The following OR7A10 variants were observed in gnomAD, a reference collection of about 807,000 sequenced individuals.
OR7A10 encodes olfactory receptor family 7 subfamily A member 10, also known as olfactory receptor 7A10.
For synonymous variants in OR7A10, 144 were observed against 144.5 expected (o/e 1.00, Z 0.02); for missense variants, 358 against 370.1 (o/e 0.97, Z 0.27).
chr19:14,843,247 T>A (rs897956082), intron 1 of OR7A10, among the ~76,000 whole-genome samples: 8 of 152,206 alleles, frequency 5.3e-5, no homozygotes. Context: ...TGTAATTAGT[T>A]CAGCCCCTGT....
chr19:14,842,340 C>T (rs1599931817), intron 1 of OR7A10, among the ~76,000 whole-genome samples: 1 of 152,248 alleles, frequency 6.6e-6, no homozygotes, highest in African/African-American at 2.4e-5. Context: ...CAACCTCTGT[C>T]TCTTTGTTCA....
At chr19:14,844,767 A>G (rs1182378350) in intron 1 of OR7A10, among the ~76,000 whole-genome samples, 1 of 145,300 alleles carries the variant, frequency 6.9e-6, no homozygotes, top group African/African-American at 2.6e-5. Flanking sequence ...GGCTCAAGTG[A>G]TTCTCCTGCC....
intron 1 of OR7A10, among the ~76,000 whole-genome samples, chr19:14,844,669 T>TTGTTTTTTTTTTG (rs200433063): frequency 7.5e-6 from 1 of 134,084 alleles, no homozygotes; most frequent in Admixed American, 8.0e-5. Context: ...TCTGTGTTTT[T>TTGTTTTTTTTTTG]TTTTTTTTTT....
chr19:14,847,225 G>A (rs2044947055), intron 1 of OR7A10, among the ~76,000 whole-genome samples: 1 of 152,128 alleles, frequency 6.6e-6, no homozygotes, highest in Non-Finnish European at 1.5e-5. Context: ...TCATACAAAA[G>A]CCAAGAATTT....
rs1255554425 is a variant in OR7A10, at chr19:14,840,659, A to C, written c.*289T>G. 8 of 240,722 alleles carry C rather than the reference A, an allele frequency of 3.3e-5. No individual in the cohort carries two copies. The East Asian group carries it at 7.3e-4, about 22-fold the overall frequency. The allele number at this position is 240,722 out of a possible 1,614,324, so 14.9% of individuals were successfully genotyped here. A position where few individuals can be genotyped will look rare whatever the true frequency, so the allele number is the denominator to read the frequency against. Reference sequence around the variant, plus strand: ...GATGAACAAACCTAGTGACGCGTGGACACCAGGCTCCTCTACTTCAATGAG... The same window carrying C: ...GATGAACAAACCTAGTGACGCGTGGCCACCAGGCTCCTCTACTTCAATGAG... On this transcript the variant is annotated 3_prime_UTR_variant, in exon 2 of 2. Coordinates refer to ENST00000641129, the MANE Select transcript of OR7A10 (RefSeq NM_001005190.2).
chr19:14,841,924 G>C (rs1346883728), intron 1 of OR7A10, 35 bp from the exon 2 acceptor site: 2 of 1,266,238 alleles, frequency 1.6e-6, no homozygotes, highest in South Asian at 1.5e-5. Context: ...GAGAGAGAGT[G>C]AAAGAACATG....
Position 14,840,614 on chromosome 19 carries a change from G to A in OR7A10, c.*334C>T, listed in dbSNP as rs1245067796. ...GATGCAAGGACATTACATACACCATGGCACTCAATCCTTCACTCAGATGAA... is the reference window on the plus strand; with the variant it reads ...GATGCAAGGACATTACATACACCATAGCACTCAATCCTTCACTCAGATGAA... On this transcript the variant is annotated 3_prime_UTR_variant, in exon 2 of 2. Transcript: ENST00000641129. 2 of 194,048 alleles carry A rather than the reference G, an allele frequency of 1.0e-5. No individual in the cohort carries two copies. Among genetic ancestry groups the A allele is most frequent in the Non-Finnish European group, 2.1e-5 (2 of 94,416 alleles). The allele number at this position is 194,048 out of a possible 1,614,324, so 12.0% of individuals were successfully genotyped here.
intron 1 of OR7A10, among the ~76,000 whole-genome samples, chr19:14,842,099 G>C (rs1486399915): frequency 6.6e-6 from 1 of 152,088 alleles, no homozygotes; most frequent in African/African-American, 2.4e-5. Context: ...TTTAGTTTCA[G>C]GGTTACATAT....
Position 14,841,327 on chromosome 19 carries a change from A to G in OR7A10, c.551T>C (p.Val184Ala). The G allele has an allele frequency of 6.2e-7, 1 of 1,614,212 alleles. No individual in the cohort carries two copies. The highest frequency in any genetic ancestry group is 2.2e-5 in the East Asian group (1 of 44,884). ...IPHFFCEINQ[V>A]VHLACSDTFL... ...GGTGTCAGAACAGGCAAGGTGGACC[A>G]CCTGATTAATTTCACAGAAAAAATG... Residue 184 changes from valine (V) to alanine (A), a missense_variant, in exon 2 of 2, where the codon GTG (valine) becomes GCG (alanine). Coordinates refer to ENST00000641129, the MANE Select transcript of OR7A10 (RefSeq NM_001005190.2).
At chr19:14,843,043 G>A (rs557499777) in intron 1 of OR7A10, among the ~76,000 whole-genome samples, 1 of 152,198 alleles carries the variant, frequency 6.6e-6, no homozygotes, top group East Asian at 1.9e-4. Context: ...GACACTTCAG[G>A]AAAAGACATA....
At chr19:14,845,927 G>A (rs908654634) in intron 1 of OR7A10, among the ~76,000 whole-genome samples, 1 of 152,074 alleles carries the variant, frequency 6.6e-6, no homozygotes, top group African/African-American at 2.4e-5. Context: ...AGGCCGAAGC[G>A]AGCGGATCAG....
intron 1 of OR7A10, 30 bp from the exon 2 acceptor site, chr19:14,841,919 A>T: frequency 5.3e-6 from 7 of 1,320,728 alleles, no homozygotes; most frequent in Admixed American, 4.2e-5. Context: ...AGAGAGAGAG[A>T]GAGTGAAAGA....
rs1291797190 is a variant in OR7A10, at chr19:14,841,866, C to G, written c.12G>C (p.Trp4Cys). 6.3e-7 allele frequency: 1 copy of G among 1,581,682 alleles called. No homozygotes were observed. Among genetic ancestry groups the G allele is most frequent in the Non-Finnish European group, 8.7e-7 (1 of 1,154,724 alleles). Residue 4 changes from tryptophan to cysteine, a missense_variant, in exon 2 of 2, where the codon TGG becomes TGC. By Grantham distance (215) the Trp-to-Cys change is radical (BLOSUM62 -2). Transcript: ENST00000641129. MKS[W>C]NNTIILEFLL... ...GAAATTCTAAAATTATTGTATTGTT[C>G]CATGATTTCATCTTGTGATGTGACT...
At chr19:14,845,074 C>A (rs560345173) in intron 1 of OR7A10, among the ~76,000 whole-genome samples, 5,396 of 149,552 alleles carry the variant, frequency 0.036, 298 homozygotes, top group African/African-American at 0.13. Flanking sequence ...CACACAAACA[C>A]ACACACACAC....
At position 14,841,598 on chromosome 19, in the gene OR7A10, A is replaced by ATGCAGCCTGCATG. The variant is rs774234494; in HGVS notation, c.279_280insCATGCAGGCTGCA (p.Tyr94HisfsTer23). The ATGCAGCCTGCATG allele has an allele frequency of 1.2e-6, 2 of 1,614,216 alleles. No individual in the cohort carries two copies. The highest frequency in any genetic ancestry group is 1.7e-6 in the Non-Finnish European group (2 of 1,180,046). ...CACATCTGGGTGATGCAGCCTGCAT[A>ATGCAGCCTGCATG]GGTGATGACTTTGTTGTGTGTCTGG... On this transcript the variant is annotated frameshift_variant, in exon 2 of 2. Transcript: ENST00000641129. LOFTEE classifies it low-confidence loss of function (END_TRUNC).
In OR7A10 at chr19:14,841,678, G is replaced by C. The variant is rs148439606; in HGVS notation, c.200C>G (p.Ser67Cys). 8.5e-5 allele frequency: 137 copies of C among 1,614,176 alleles called. 1 individual carries two copies. The African/African-American group carries it at 1.4e-3, about 16-fold the overall frequency. ...TPMYFFLSNLSFVDICFVSTT... is the reference protein window; with the variant it reads ...TPMYFFLSNLCFVDICFVSTT... The stretch of plus-strand genomic sequence containing the variant: ...AGAGACAAAACAGATGTCTACGAAG[G>C]ACAGGTTGGAGAGGAAGAAGTACAT... The change falls in exon 2 of 2, where the codon TCC (serine) becomes TGC (cysteine). Residue 67 changes from serine to cysteine, a missense_variant. Physicochemically the swap from Ser to Cys is moderately radical, Grantham distance 112. Transcript: ENST00000641129.
At position 14,848,588 on chromosome 19, in the gene OR7A10, A is replaced by G. The variant is rs1281885329; in HGVS notation, c.-101T>C. 2.6e-5 allele frequency: 4 copies of G among 152,298 alleles called. No individual in the cohort carries two copies. Among genetic ancestry groups the G allele is most frequent in the Non-Finnish European group, 5.9e-5 (4 of 68,100 alleles). The allele number at this position is 152,298 out of a possible 1,614,324, so 9.4% of individuals were successfully genotyped here. ...ATGGTGGAGACTGAGGCTGTGTCCC[A>G]AGACAAGACAGTAGGAGAAAGGAAA... On this transcript the variant is annotated 5_prime_UTR_variant, in exon 1 of 2. Transcript: ENST00000641129.
chr19:14,846,173 T>C (rs1249207214), intron 1 of OR7A10, among the ~76,000 whole-genome samples: 1 of 151,966 alleles, frequency 6.6e-6, no homozygotes, highest in Non-Finnish European at 1.5e-5. Context: ...AATTCCAAAA[T>C]GTTTTTGTAG....
chr19:14,846,262 T>C (rs1242643936), intron 1 of OR7A10, among the ~76,000 whole-genome samples: 1 of 152,190 alleles, frequency 6.6e-6, no homozygotes, highest in Non-Finnish European at 1.5e-5. Context: ...GTGATATGCA[T>C]AGGATTTTGT....
Sources: gnomAD v4.1 joint callset for allele counts (sites outside exome capture counted in the v4.1 genomes callset) on GRCh38, gnomAD v4.1.1 for gene constraint, MANE v1.5 for transcripts, NCBI Gene and HGNC (gene_info 2026-07-23, HGNC 2026-07-21) for gene names.